The following ZBTB17 variants were observed in gnomAD, a reference collection of about 807,000 sequenced individuals.
The protein encoded by ZBTB17 is zinc finger and BTB domain containing 17.
A neutral mutation model predicts 85.1 loss-of-function variants in ZBTB17; 24 were observed. That is an observed-to-expected ratio of 0.28 (90% CI 0.20 to 0.40). The LOEUF (loss-of-function observed/expected upper bound fraction) is 0.40. Among genes scored for constraint, ZBTB17 ranks in the 10% least tolerant of loss-of-function variants. The probability of loss-of-function intolerance (pLI) is 1.00; values close to 1 mark genes in which losing one functional copy is unlikely to be tolerated. For synonymous variants in ZBTB17, 464 were observed against 460.2 expected, an observed-to-expected ratio of 1.01 and a Z score of -0.11; for missense variants, 743 against 1,105.1, an observed-to-expected ratio of 0.67 and a Z score of 4.65.
At chr1:15,942,446 G>A in intron 14 of ZBTB17, 26 bp from the exon 15 acceptor site, 1 of 1,612,496 alleles carries the variant, frequency 6.2e-7, no homozygotes, top group South Asian at 1.1e-5. Context: ...CAGGGCCTAA[G>A]GTGAAGGCAC....
At position 15,953,979 on chromosome 1, in the gene ZBTB17, A is replaced by C. The variant is rs1297616416; in HGVS notation, c.-2-5482T>G. 6.6e-6 allele frequency among the ~76,000 whole-genome samples: 1 copy of C among 152,206 alleles called. No individual in the cohort carries two copies. The highest frequency in any genetic ancestry group is 6.5e-5 in the Admixed American group (1 of 15,286). The stretch of plus-strand genomic sequence containing the variant: ...TTCTATATACCCCTTTGCACTGGGC[A>C]CATGGGGTACTTGACCTTGTTAAGA... On this transcript the variant is annotated intron_variant, in intron 2 of 15. Coordinates refer to ENST00000375743, the MANE Select transcript of ZBTB17 (RefSeq NM_003443.3). The surrounding 1 kb of genome is among the most constrained non-coding windows in gnomAD (Gnocchi z 5.1).
chr1:15,975,374 T>G (rs2072830178), intron 1 of ZBTB17, among the ~76,000 whole-genome samples: 1 of 152,220 alleles, frequency 6.6e-6, no homozygotes, highest in Non-Finnish European at 1.5e-5. Context: ...ACCCCGCTGC[T>G]GGGCTCCACG....
In ZBTB17 at chr1:15,942,686, G is replaced by A. The variant is rs752062375; in HGVS notation, c.1881C>T (p.Asp627=). Residue 627 remains aspartate, a synonymous_variant, in exon 14 of 16, where the codon GAC becomes GAT. Transcript: ENST00000375743. ...DKCGRGFNRV[D]NLRSHVKTVH... ...CGGTCTTCACGTGGGAGCGCAGGTT[G>A]TCTACCCGGTTGAAGCCACGCCCAC... 1 of 1,613,564 alleles carries A rather than the reference G, an allele frequency of 6.2e-7. No homozygotes were observed. The highest frequency in any genetic ancestry group is 1.3e-5 in the African/African-American group (1 of 74,934).
At chr1:15,948,173 C>G (rs577301564) in intron 3 of ZBTB17, 118 bp downstream of exon 3, 1 of 1,193,732 alleles carries the variant, frequency 8.4e-7, no homozygotes, top group Admixed American at 1.9e-5. Flanking sequence ...GAAGCCTGTG[C>G]GGGAGGCCTG....
chr1:15,963,318 A>G (rs2072324417), intron 2 of ZBTB17, among the ~76,000 whole-genome samples: 1 of 152,234 alleles, frequency 6.6e-6, no homozygotes, highest in African/African-American at 2.4e-5. Context: ...AATGCATTAA[A>G]GATTGGGAAT....
Position 15,944,848 on chromosome 1 carries a change from G to A in ZBTB17, c.928-9C>T, listed in dbSNP as rs369600859. 1.3e-5 allele frequency: 21 copies of A among 1,589,366 alleles called. No homozygotes were observed. The highest frequency in any genetic ancestry group is 1.6e-5 in the Non-Finnish European group (19 of 1,167,636). ...AACTCCTTCCCACAGTCCTGTGGGT[G>A]CAGCGGGGAAGCGGGGTGTGAGGAG... On this transcript the variant is annotated splice_polypyrimidine_tract_variant and intron_variant, in intron 7 of 15. Transcript: ENST00000375743.
intron 2 of ZBTB17, chr1:15,969,528 G>A: frequency 6.0e-6 from 2 of 335,146 alleles, no homozygotes; most frequent in South Asian, 2.3e-5. Flanking sequence ...GCACGAGGCA[G>A]TAGTGTGGGG....
At chr1:15,946,388 C>T in intron 4 of ZBTB17, 94 bp from the exon 5 acceptor site, 2 of 1,539,402 alleles carry the variant, frequency 1.3e-6, no homozygotes, top group Non-Finnish European at 1.8e-6. Flanking sequence ...TCTTCCTCGT[C>T]CTCCCTAGGG....
intron 9 of ZBTB17, 117 bp from the exon 10 acceptor site, chr1:15,944,012 CTCTA>C (rs1212788405): frequency 2.7e-6 from 3 of 1,103,966 alleles, no homozygotes; most frequent in African/African-American, 1.5e-5. Context: ...CCGTGAAGGG[CTCTA>C]TCTCTCCTGG....
chr1:15,946,783 G>A lies in ZBTB17; in HGVS notation c.394+152C>T, dbSNP rs566654174. On this transcript the variant is annotated intron_variant, in intron 4 of 15. Transcript: ENST00000375743. Reference sequence around the variant, plus strand: ...CTGTAGGGGAAAGGCAGGCAGAGAGGCCACCCTCAGACCTGAGGCTAACCC... The same window carrying A: ...CTGTAGGGGAAAGGCAGGCAGAGAGACCACCCTCAGACCTGAGGCTAACCC... The A allele has an allele frequency of 3.0e-6, 3 of 1,007,022 alleles. No homozygotes were observed. The Admixed American group carries it at 8.6e-5, about 29-fold the overall frequency. 62.4% of individuals were successfully genotyped at this position (1,007,022 alleles called of 1,614,324 possible). A position where few individuals can be genotyped will look rare whatever the true frequency, so the allele number is the denominator to read the frequency against.
At position 15,943,635 on chromosome 1, in the gene ZBTB17, G is replaced by C; in HGVS notation, c.1540C>G (p.Pro514Ala). 6.2e-7 allele frequency: 1 copy of C among 1,613,068 alleles called. No homozygotes were observed. Among genetic ancestry groups the C allele is most frequent in the Admixed American group, 1.7e-5 (1 of 60,018 alleles). ...CGGACGTGCCGCTGCAGAGCGCCGG[G>C]GTCTGCAAACTGTCGCTGGCAGTGG... ...CIHCQRQFADPGALQRHVRIH... is the reference protein window; with the variant it reads ...CIHCQRQFADAGALQRHVRIH... Residue 514 changes from proline to alanine, a missense_variant, in exon 11 of 16, where the codon CCC becomes GCC. Physicochemically the swap from Pro to Ala is conservative, Grantham distance 27 (BLOSUM62 -1). Coordinates refer to ENST00000375743, the MANE Select transcript of ZBTB17 (RefSeq NM_003443.3).
chr1:15,945,228 G>A, intron 6 of ZBTB17, 26 bp from the exon 7 acceptor site: 1 of 1,548,476 alleles, frequency 6.5e-7, no homozygotes, highest in Non-Finnish European at 8.7e-7. Context: ...CAAGCATGGA[G>A]GCGGCAGCCC....
intron 2 of ZBTB17, among the ~76,000 whole-genome samples, chr1:15,962,803 C>T (rs962079504): frequency 2.0e-5 from 3 of 152,184 alleles, no homozygotes; most frequent in South Asian, 4.2e-4. Context: ...TGGTTGGCTA[C>T]GGTGGCACAT....
At position 15,943,866 on chromosome 1, in the gene ZBTB17, G is replaced by A. The variant is rs1225852559; in HGVS notation, c.1401C>T (p.Ile467=). The part of the protein sequence containing the change: ...QVGNLKAHLK[I]HIADGPLKCR... ...ACTTGAGGGGCCCGTCAGCGATGTG[G>A]ATCTTCAGGTGGGCCTTCAGGTTCC... Residue 467 remains isoleucine (I), a synonymous_variant, in exon 10 of 16, where the codon ATC becomes ATT. Coordinates refer to ENST00000375743, the MANE Select transcript of ZBTB17 (RefSeq NM_003443.3). 1 of 1,609,030 alleles carries A rather than the reference G, an allele frequency of 6.2e-7. No homozygotes were observed. The highest frequency in any genetic ancestry group is 8.5e-7 in the Non-Finnish European group (1 of 1,178,192).
chr1:15,968,589 G>A (rs1435870527), intron 2 of ZBTB17, among the ~76,000 whole-genome samples: 3 of 152,228 alleles, frequency 2.0e-5, no homozygotes, highest in Non-Finnish European at 4.4e-5. Context: ...AGGCTTCCCA[G>A]AAGCATCTGA....
At chr1:15,947,614 T>C (rs1237954399) in intron 3 of ZBTB17, among the ~76,000 whole-genome samples, 1 of 152,122 alleles carries the variant, frequency 6.6e-6, no homozygotes, top group Non-Finnish European at 1.5e-5. Flanking sequence ...CACCCTGCAT[T>C]GAGGACGGAT....
At chr1:15,947,722 C>T (rs2071671196) in intron 3 of ZBTB17, among the ~76,000 whole-genome samples, 1 of 152,228 alleles carries the variant, frequency 6.6e-6, no homozygotes. Flanking sequence ...CTGCTACCAA[C>T]TCTCTATCTG....
At position 15,946,182 on chromosome 1, in the gene ZBTB17, G is replaced by A. The variant is rs765796064; in HGVS notation, c.507C>T (p.Arg169=). Residue 169 remains arginine (R), a synonymous_variant, in exon 5 of 16, where the codon CGC becomes CGT. Coordinates refer to ENST00000375743, the MANE Select transcript of ZBTB17 (RefSeq NM_003443.3). ...IGPSRDLKEE[R]GGQAQSAASG... is the part of the protein sequence containing the mutation. ...TGGCCGCACTCTGGGCCTGACCGCC[G>A]CGCTCCTCCTTGAGGTCCCTGCTGG... 1.7e-5 allele frequency: 27 copies of A among 1,610,472 alleles called. No individual in the cohort carries two copies. Among genetic ancestry groups the A allele is most frequent in the East Asian group, 4.5e-5 (2 of 44,892 alleles).
At chr1:15,955,416 G>T (rs1377111050) in intron 2 of ZBTB17, among the ~76,000 whole-genome samples, 1 of 152,086 alleles carries the variant, frequency 6.6e-6, no homozygotes, top group Non-Finnish European at 1.5e-5. Flanking sequence ...TTCTCCTTTA[G>T]ATAAACATAT....
Sources: gnomAD v4.1 joint callset for allele counts (sites outside exome capture counted in the v4.1 genomes callset) on GRCh38, gnomAD v4.1.1 for gene constraint, Gnocchi (gnomAD v3.1) non-coding constraint, MANE v1.5 for transcripts, NCBI Gene and HGNC (gene_info 2026-07-23, HGNC 2026-07-21) for gene names.